Variants in CEP89 observed in about 807,000 individuals in gnomAD.
CEP89 encodes the protein centrosomal protein 89.
CEP89 carries 95 observed loss-of-function variants against 97.6 expected under a neutral mutation model. The ratio of observed to expected loss-of-function variants is 0.97; its 90% confidence interval spans 0.82 to 1.15. CEP89 has a LOEUF of 1.15. CEP89 is among the 50% of genes most tolerant of loss of function. The pLI is 0.00. For missense variants in CEP89, 869 were observed against 947.7 expected, an observed-to-expected ratio of 0.92 and a Z score of 1.09; for synonymous variants, 354 against 349.1, an observed-to-expected ratio of 1.01 and a Z score of -0.16.
chr19:32,939,248 C>T (rs1213147607), intron 6 of CEP89, among the ~76,000 whole-genome samples: 1 of 151,708 alleles, frequency 6.6e-6, no homozygotes, highest in Non-Finnish European at 1.5e-5. Context: ...GAGATCCTGT[C>T]TCAAAAAATA....
intron 11 of CEP89, among the ~76,000 whole-genome samples, chr19:32,924,509 C>T (rs138802974): frequency 5.5e-4 from 84 of 152,274 alleles, no homozygotes; most frequent in Middle Eastern, 3.4e-3. Context: ...CCGTGTCCTG[C>T]GCTGTCCTTT....
chr19:32,971,754 C>A, intron 1 of CEP89, 82 bp downstream of exon 1: 1 of 1,458,568 alleles, frequency 6.9e-7, no homozygotes. Flanking sequence ...GATCTCAGGC[C>A]AAACCCCAAC....
At chr19:32,925,485 CTTTT>C (rs67751450) in intron 11 of CEP89, among the ~76,000 whole-genome samples, 3 of 120,106 alleles carry the variant, frequency 2.5e-5, no homozygotes, top group Non-Finnish European at 5.0e-5. Flanking sequence ...CCAAATAGCC[CTTTT>C]TTTTTTTTTT....
chr19:32,880,401 G>T (rs1292070002), intron 18 of CEP89, among the ~76,000 whole-genome samples: 3 of 152,122 alleles, frequency 2.0e-5, no homozygotes, highest in African/African-American at 7.2e-5. Flanking sequence ...CCACTGTGTG[G>T]TAAGAACAAC....
intron 5 of CEP89, among the ~76,000 whole-genome samples, chr19:32,946,245 G>C (rs1970795133): frequency 6.6e-6 from 1 of 152,078 alleles, no homozygotes; most frequent in Non-Finnish European, 1.5e-5. Flanking sequence ...GGGACTACAG[G>C]TGTGAGCCAC....
chr19:32,890,069 T>C (rs567743990), intron 16 of CEP89, among the ~76,000 whole-genome samples: 1 of 152,238 alleles, frequency 6.6e-6, no homozygotes, highest in East Asian at 1.9e-4. Context: ...CAGTAAAGTA[T>C]GGCCAGACTG....
intron 4 of CEP89, among the ~76,000 whole-genome samples, chr19:32,951,534 T>TATATATATATACACACACAC (rs1407110112): frequency 8.2e-6 from 1 of 122,042 alleles, no homozygotes; most frequent in African/African-American, 3.4e-5. Flanking sequence ...TATATATATA[T>TATATATATATACACACACAC]ACACACACAC....
In CEP89 at chr19:32,958,722, A is replaced by C. The variant is rs574469388; in HGVS notation, c.305+1178T>G. On this transcript the variant is annotated intron_variant, in intron 3 of 18. Coordinates refer to ENST00000305768, the MANE Select transcript of CEP89 (RefSeq NM_032816.5). ...CAAAGGTGAATATACGTGACAATTA[A>C]AAAGGCAAATGTGGCCAGGCATGGT... Among the ~76,000 whole-genome samples, 6 of 151,782 alleles carry C rather than the reference A, an allele frequency of 4.0e-5. No homozygotes were observed. The South Asian group carries it at 1.3e-3, about 32-fold the overall frequency.
chr19:32,899,607 T>A (rs909398499), intron 16 of CEP89, among the ~76,000 whole-genome samples: 2 of 152,174 alleles, frequency 1.3e-5, no homozygotes, highest in African/African-American at 4.8e-5. Context: ...AGCTTTATAA[T>A]GGTGTAAAAG....
intron 6 of CEP89, among the ~76,000 whole-genome samples, chr19:32,938,033 G>T (rs1357412729): frequency 6.9e-6 from 1 of 145,402 alleles, no homozygotes; most frequent in Non-Finnish European, 1.5e-5. Context: ...TAGAGATGGG[G>T]TCTCCTGTTG....
At chr19:32,928,254 T>C (rs1375259582) in intron 9 of CEP89, among the ~76,000 whole-genome samples, 1 of 152,186 alleles carries the variant, frequency 6.6e-6, no homozygotes, top group Non-Finnish European at 1.5e-5. Context: ...AGAACATATC[T>C]AGTGACTGTT....
chr19:32,890,815 C>G (rs905204619), intron 16 of CEP89, among the ~76,000 whole-genome samples: 1 of 152,134 alleles, frequency 6.6e-6, no homozygotes, highest in Admixed American at 6.5e-5. Context: ...GGGGCTCACG[C>G]TGGGTCCCAC....
intron 12 of CEP89, among the ~76,000 whole-genome samples, chr19:32,921,790 CA>C: frequency 6.6e-6 from 1 of 152,160 alleles, no homozygotes. Flanking sequence ...AGGGAGGTCA[CA>C]GAGCACCAAG....
At chr19:32,921,342 C>G (rs1599742052) in intron 12 of CEP89, among the ~76,000 whole-genome samples, 1 of 152,166 alleles carries the variant, frequency 6.6e-6, no homozygotes, top group Non-Finnish European at 1.5e-5. Flanking sequence ...GCGGCAAGGT[C>G]TGCCCACCAA....
chr19:32,940,389 TACAC>T (rs1970663997), intron 5 of CEP89, among the ~76,000 whole-genome samples: 1 of 53,216 alleles, frequency 1.9e-5, no homozygotes. Flanking sequence ...CATCACGCTC[TACAC>T]ATCTTCCCAT....
chr19:32,917,413 C>G lies in CEP89; in HGVS notation c.1384+811G>C, dbSNP rs1970150166. The stretch of plus-strand genomic sequence containing the variant: ...GGAAGTGCTAGCCCTGCAACTGCAG[C>G]AACAGCAGGGGCTGTTCATGGACCT... On this transcript the variant is annotated intron_variant, in intron 13 of 18. Coordinates refer to ENST00000305768, the MANE Select transcript of CEP89 (RefSeq NM_032816.5). Among the ~76,000 whole-genome samples the G allele has an allele frequency of 5.3e-5, 8 of 152,212 alleles. No homozygotes were observed. The South Asian group carries it at 1.7e-3, about 31-fold the overall frequency.
chr19:32,910,918 G>A (rs774912536), intron 14 of CEP89, among the ~76,000 whole-genome samples: 1 of 152,198 alleles, frequency 6.6e-6, no homozygotes, highest in Non-Finnish European at 1.5e-5. Flanking sequence ...TTTGTTATAA[G>A]TAGAAGGAGT....
At chr19:32,907,874 A>G (rs1969921295) in intron 14 of CEP89, among the ~76,000 whole-genome samples, 1 of 152,244 alleles carries the variant, frequency 6.6e-6, no homozygotes, top group Non-Finnish European at 1.5e-5. Context: ...GGCATGAGTC[A>G]CTGTGCCCGG....
At chr19:32,926,719 G>A (rs573885096) in intron 10 of CEP89, among the ~76,000 whole-genome samples, 9 of 152,184 alleles carry the variant, frequency 5.9e-5, no homozygotes, top group African/African-American at 2.4e-5. Context: ...GCACCATCAC[G>A]CCCAGCTAAT....
Sources: gnomAD v4.1 joint callset for allele counts (sites outside exome capture counted in the v4.1 genomes callset) on GRCh38, gnomAD v4.1.1 for gene constraint, MANE v1.5 for transcripts, NCBI Gene and HGNC (gene_info 2026-07-23, HGNC 2026-07-21) for gene names.